Variants in IPCEF1 observed in about 807,000 individuals in gnomAD.
The protein encoded by IPCEF1 is interactor protein for cytohesin exchange factors 1.
IPCEF1 carries 31 observed loss-of-function variants against 50.9 expected under a neutral mutation model. The observed-to-expected ratio is 0.61, with a 90% confidence interval of 0.46 to 0.82. IPCEF1 has a LOEUF of 0.82. Ranked by LOEUF, IPCEF1 falls within the 40% of genes least tolerant of loss-of-function variation. The probability of loss-of-function intolerance (pLI) is 0.00; values close to 1 mark genes in which losing one functional copy is unlikely to be tolerated. For missense variants in IPCEF1, 458 were observed against 514.0 expected, an observed-to-expected ratio of 0.89 and a Z score of 1.05; for synonymous variants, 181 against 192.0, an observed-to-expected ratio of 0.94 and a Z score of 0.47.
chr6:154,252,455 T>A (rs545593465), intron 3 of IPCEF1, among the ~76,000 whole-genome samples: 5 of 152,042 alleles, frequency 3.3e-5, no homozygotes, highest in African/African-American at 9.7e-5. Flanking sequence ...GGTGGGCGGA[T>A]CACGAGATCA....
chr6:154,213,104 G>A (rs1778101145), intron 8 of IPCEF1: 2 of 453,278 alleles, frequency 4.4e-6, no homozygotes, highest in East Asian at 3.6e-5. Context: ...CGTAGCTTGG[G>A]GAAAATAAAA....
intron 7 of IPCEF1, among the ~76,000 whole-genome samples, chr6:154,220,351 C>T (rs1397060697): frequency 6.6e-6 from 1 of 152,200 alleles, no homozygotes; most frequent in Non-Finnish European, 1.5e-5. Flanking sequence ...ACCTCAAATA[C>T]AGCCTGATTC....
At chr6:154,317,798 T>C (rs1192239755) in intron 1 of IPCEF1, among the ~76,000 whole-genome samples, 2 of 152,036 alleles carry the variant, frequency 1.3e-5, no homozygotes, top group Non-Finnish European at 2.9e-5. Flanking sequence ...TGCTTTCTTA[T>C]AAACATAATA....
intron 5 of IPCEF1, among the ~76,000 whole-genome samples, chr6:154,238,919 G>GTTT (rs202069850): frequency 6.8e-6 from 1 of 147,770 alleles, no homozygotes; most frequent in African/African-American, 2.5e-5. Flanking sequence ...ATTCTATATT[G>GTTT]TTGTTTTTTT....
intron 1 of IPCEF1, among the ~76,000 whole-genome samples, chr6:154,354,735 T>A (rs1784186171): frequency 6.6e-6 from 1 of 152,184 alleles, no homozygotes. Flanking sequence ...TACACACCCT[T>A]TCTTTACTCC....
intron 10 of IPCEF1, among the ~76,000 whole-genome samples, chr6:154,193,836 AT>A (rs1182808079): frequency 1.3e-5 from 2 of 152,146 alleles, no homozygotes; most frequent in East Asian, 1.9e-4. Flanking sequence ...AATACTCCCT[AT>A]TTTTTTCTTC....
chr6:154,261,344 T>C (rs1781595617), intron 3 of IPCEF1, among the ~76,000 whole-genome samples: 1 of 152,134 alleles, frequency 6.6e-6, no homozygotes, highest in Non-Finnish European at 1.5e-5. Context: ...ATGAAGTTTA[T>C]CCAAAGGACA....
intron 1 of IPCEF1, among the ~76,000 whole-genome samples, chr6:154,351,921 G>A (rs1784125828): frequency 1.3e-5 from 2 of 152,214 alleles, no homozygotes; most frequent in South Asian, 2.1e-4. Flanking sequence ...TTACAAGTGG[G>A]AGCTGAACAA....
intron 1 of IPCEF1, among the ~76,000 whole-genome samples, chr6:154,295,153 G>T (rs893174370): frequency 3.3e-5 from 5 of 151,980 alleles, no homozygotes; most frequent in African/African-American, 1.2e-4. Flanking sequence ...AGCTGAGATT[G>T]CGCCACTGCA....
At chr6:154,208,404 G>A (rs1244786337) in intron 9 of IPCEF1, among the ~76,000 whole-genome samples, 1 of 152,132 alleles carries the variant, frequency 6.6e-6, no homozygotes, top group Non-Finnish European at 1.5e-5. Flanking sequence ...ACGTGTCCTG[G>A]CTCCTCTATT....
rs570369516 is a variant in IPCEF1, at chr6:154,251,692, A to C, written c.37-4204T>G. ...TTGTTTGCATTGTTGCTGTTTTGTT[A>C]AGAAGTAGGGCAGGGAAGCAAGGAC... On this transcript the variant is annotated intron_variant, in intron 3 of 11. Transcript: ENST00000367220. Among the ~76,000 whole-genome samples the C allele has an allele frequency of 2.0e-5, 3 of 152,354 alleles. No homozygotes were observed. In the East Asian group the frequency reaches 5.8e-4, roughly 29 times the overall value.
At chr6:154,231,405 C>G (rs1400495750) in intron 5 of IPCEF1, among the ~76,000 whole-genome samples, 1 of 152,200 alleles carries the variant, frequency 6.6e-6, no homozygotes, top group Non-Finnish European at 1.5e-5. Context: ...GGGATCTGTC[C>G]TAACTATACC....
chr6:154,270,480 A>T (rs941487843), intron 2 of IPCEF1, among the ~76,000 whole-genome samples: 3 of 152,318 alleles, frequency 2.0e-5, no homozygotes, highest in African/African-American at 7.2e-5. Context: ...ATTGGGGGTA[A>T]TGTCTCATCT....
intron 1 of IPCEF1, among the ~76,000 whole-genome samples, chr6:154,334,630 A>G (rs1210066444): frequency 1.3e-5 from 2 of 152,218 alleles, no homozygotes; most frequent in African/African-American, 2.4e-5. Flanking sequence ...TTATTGATGA[A>G]GGTCAGGCAA....
At chr6:154,208,756 T>C (rs566791362) in intron 9 of IPCEF1, among the ~76,000 whole-genome samples, 1 of 152,366 alleles carries the variant, frequency 6.6e-6, no homozygotes, top group East Asian at 1.9e-4. Context: ...TTGTAGCTTA[T>C]AAAATTATCA....
intron 1 of IPCEF1, among the ~76,000 whole-genome samples, chr6:154,339,857 A>T (rs1364319503): frequency 1.3e-5 from 2 of 151,374 alleles, no homozygotes; most frequent in Non-Finnish European, 2.9e-5. Flanking sequence ...CTCACCTCCC[A>T]AAGTGCTGGG....
chr6:154,341,540 C>A lies in IPCEF1; in HGVS notation c.-62+15132G>T, dbSNP rs1584007655. 3.9e-5 allele frequency among the ~76,000 whole-genome samples: 6 copies of A among 152,260 alleles called. No individual in the cohort carries two copies. In the South Asian group the frequency reaches 1.0e-3, roughly 26 times the overall value. On this transcript the variant is annotated intron_variant, in intron 1 of 11. Transcript: ENST00000367220. ...CTTTGAGAGGGGTCTGAATAGAGTG[C>A]AATGAACAAAACACGCAGGAAGTTT...
intron 5 of IPCEF1, among the ~76,000 whole-genome samples, chr6:154,240,929 TA>T (rs1780527745): frequency 2.0e-5 from 3 of 152,188 alleles, no homozygotes; most frequent in Admixed American, 6.5e-5. Context: ...TCAGTTTGTC[TA>T]AAGTTTTTAT....
chr6:154,266,739 G>T (rs1381917558), intron 2 of IPCEF1, among the ~76,000 whole-genome samples: 1 of 151,962 alleles, frequency 6.6e-6, no homozygotes, highest in East Asian at 1.9e-4. Context: ...AACTTTAATA[G>T]CAAGATAGGC....
Sources: allele counts gnomAD v4.1 joint callset (sites outside exome capture counted in the v4.1 genomes callset), GRCh38; gene constraint gnomAD v4.1.1; transcripts MANE v1.5; gene names NCBI Gene and HGNC (gene_info 2026-07-23, HGNC 2026-07-21).